EPM2A: variants seen among roughly 807,000 people sequenced by gnomAD.
EPM2A encodes EPM2A glucan phosphatase, laforin.
Under a neutral mutation model 26.5 loss-of-function variants are expected in EPM2A, and 21 were observed. The observed-to-expected ratio is 0.79, with a 90% CI of 0.56 to 1.14. EPM2A has a LOEUF of 1.14. Ranked by LOEUF, EPM2A falls within the 50% of genes most tolerant of loss-of-function variation. The pLI, the probability that EPM2A is intolerant of heterozygous loss-of-function variation, is 0.00. For synonymous variants in EPM2A, 217 were observed against 177.6 expected, an observed-to-expected ratio of 1.22 and a Z score of -1.76; for missense variants, 458 against 440.8, an observed-to-expected ratio of 1.04 and a Z score of -0.35.
chr6:145,459,778 C>T (rs747417185), intron 4 of EPM2A, among the ~76,000 whole-genome samples: 2 of 152,080 alleles, frequency 1.3e-5, no homozygotes, highest in Non-Finnish European at 2.9e-5. Flanking sequence ...ACTTTGCCAA[C>T]TTATCACAGA....
intron 4 of EPM2A, among the ~76,000 whole-genome samples, chr6:145,492,389 CTG>C (rs1048072884): frequency 3.3e-5 from 5 of 152,070 alleles, no homozygotes; most frequent in Admixed American, 6.6e-5. Flanking sequence ...CCCAAGGCCC[CTG>C]AGGGCATGTG....
At chr6:145,585,284 T>A (rs928531067) in intron 2 of EPM2A, among the ~76,000 whole-genome samples, 2 of 152,152 alleles carry the variant, frequency 1.3e-5, no homozygotes, top group African/African-American at 4.8e-5. Flanking sequence ...ATAGTTTTCA[T>A]CACCTTTGGA....
At chr6:145,586,929 A>AGC in intron 2 of EPM2A, among the ~76,000 whole-genome samples, 1 of 152,304 alleles carries the variant, frequency 6.6e-6, no homozygotes, top group Non-Finnish European at 1.5e-5. Flanking sequence ...CTCATATTAT[A>AGC]GCTCCCAACC....
chr6:145,582,978 T>C (rs1781135642), intron 2 of EPM2A, among the ~76,000 whole-genome samples: 1 of 152,228 alleles, frequency 6.6e-6, no homozygotes, highest in South Asian at 2.1e-4. Flanking sequence ...TACAACATTC[T>C]TACAGTGTGT....
rs9717663 is a variant in EPM2A at position 145,663,532 on chromosome 6, G to A, written c.476+22590C>T. 4.6e-5 allele frequency among the ~76,000 whole-genome samples: 7 copies of A among 152,290 alleles called. No homozygotes were observed. In the South Asian group the frequency reaches 6.2e-4, roughly 14 times the overall value. On this transcript the variant is annotated intron_variant, in intron 2 of 3. Transcript: ENST00000367519. ...GACTATGTGAAAAGACCAAATCTAC[G>A]TCTGATTGGTGTACCTGAAAGTGAT... is the stretch of plus-strand genomic sequence containing the variant.
At chr6:145,684,035 C>G (rs1469381812) in intron 2 of EPM2A, among the ~76,000 whole-genome samples, 1 of 151,996 alleles carries the variant, frequency 6.6e-6, no homozygotes, top group Non-Finnish European at 1.5e-5. Context: ...AAATAACTCT[C>G]ATTAGTATTC....
intron 4 of EPM2A, among the ~76,000 whole-genome samples, chr6:145,486,595 C>T (rs1035976832): frequency 1.4e-4 from 21 of 152,060 alleles, no homozygotes; most frequent in African/African-American, 4.6e-4. Context: ...CTACTTCTCC[C>T]TTTTTTCTCC....
chr6:145,439,900 T>A lies in EPM2A; in HGVS notation c.556-55803A>T, dbSNP rs117831006. Among the ~76,000 whole-genome samples, 469 of 152,342 alleles carry A rather than the reference T, an allele frequency of 3.1e-3. 10 individuals are homozygous for A. In the East Asian group the frequency reaches 0.053, roughly 17 times the overall value. ...ATCATGAAATCTTTGCCAGTTCCAA[T>A]GTCCAAAATTGTATGTCCTACGTTA... is the stretch of plus-strand genomic sequence containing the variant. On this transcript the variant is annotated intron_variant, in intron 4 of 4. Transcript: ENST00000638717.
chr6:145,719,358 A>T (rs2128637399), intron 1 of EPM2A, among the ~76,000 whole-genome samples: 1 of 150,898 alleles, frequency 6.6e-6, no homozygotes, highest in South Asian at 2.1e-4. Flanking sequence ...CATTCTCAGT[A>T]AACTATCGCA....
chr6:145,485,074 T>A (rs186948805), intron 4 of EPM2A, among the ~76,000 whole-genome samples: 116 of 151,304 alleles, frequency 7.7e-4, no homozygotes, highest in African/African-American at 2.6e-3. Flanking sequence ...CTCTCCCACA[T>A]GCTAAGGTAC....
downstream of EPM2A, among the ~76,000 whole-genome samples, chr6:145,624,969 C>A (rs1775717465): frequency 6.6e-6 from 1 of 152,226 alleles, no homozygotes; most frequent in African/African-American, 2.4e-5. Context: ...GACTTTCCTT[C>A]ACCATGAATG....
rs767212465 is a variant in EPM2A, at chr6:145,625,724, CCT to C, written c.*1690_*1691del. ...AGTGGAAATGTGTCCTGGCTAGCTG[CCT>C]CTGCCCAAAGCAAATGTCATCTCCC... On this transcript the variant is annotated 3_prime_UTR_variant, in exon 4 of 4. Transcript: ENST00000367519. 89 of 845,988 alleles carry C rather than the reference CCT, an allele frequency of 1.1e-4. No individual in the cohort carries two copies. The African/African-American group carries it at 1.4e-3, about 14-fold the overall frequency. The allele number at this position is 845,988 out of a possible 1,614,324, so 52.4% of individuals were successfully genotyped here. A position where few individuals can be genotyped will look rare whatever the true frequency, so the allele number is the denominator to read the frequency against.
intron 4 of EPM2A, among the ~76,000 whole-genome samples, chr6:145,406,680 G>T (rs1778573706): frequency 6.6e-6 from 1 of 152,120 alleles, no homozygotes; most frequent in Non-Finnish European, 1.5e-5. Context: ...AAAACCAAAT[G>T]TCTTAAAAGT....
intron 4 of EPM2A, among the ~76,000 whole-genome samples, chr6:145,493,492 T>A (rs366673): frequency 0.36 from 54,474 of 152,068 alleles, 10,317 homozygotes; most frequent in South Asian, 0.51. Context: ...TTTCTCTTGA[T>A]TGATTGCTCT....
At chr6:145,524,856 A>C (rs910150620) in intron 2 of EPM2A, among the ~76,000 whole-genome samples, 20 of 152,126 alleles carry the variant, frequency 1.3e-4, no homozygotes, top group African/African-American at 4.3e-4. Context: ...GCAGGTGTCC[A>C]GAATGGTATT....
intron 2 of EPM2A, among the ~76,000 whole-genome samples, chr6:145,675,534 G>A (rs1165756760): frequency 2.0e-5 from 3 of 152,142 alleles, no homozygotes; most frequent in South Asian, 2.1e-4. Flanking sequence ...CTGTATTCAG[G>A]AGACCCATCT....
At chr6:145,563,150 T>G (rs1582856024) in intron 2 of EPM2A, among the ~76,000 whole-genome samples, 1 of 151,322 alleles carries the variant, frequency 6.6e-6, no homozygotes, top group South Asian at 2.1e-4. Flanking sequence ...CAGGCAAGGG[T>G]CCCCAGGTGT....
At chr6:145,442,191 A>T (rs1037570267) in intron 4 of EPM2A, among the ~76,000 whole-genome samples, 1 of 152,148 alleles carries the variant, frequency 6.6e-6, no homozygotes, top group African/African-American at 2.4e-5. Context: ...AAACTTTCCC[A>T]CATGTTCCTG....
At chr6:145,635,180 A>G in intron 3 of EPM2A, 65 bp downstream of exon 3, 2 of 1,524,306 alleles carry the variant, frequency 1.3e-6, no homozygotes, top group Non-Finnish European at 1.8e-6. Context: ...AATTATAGAT[A>G]GACAGACAGA....
Sources: gnomAD v4.1 joint callset for allele counts (sites outside exome capture counted in the v4.1 genomes callset) on GRCh38, gnomAD v4.1.1 for gene constraint, MANE v1.5 for transcripts, NCBI Gene and HGNC (gene_info 2026-07-23, HGNC 2026-07-21) for gene names.